RNF13: variants seen among roughly 807,000 people sequenced by gnomAD.
The protein encoded by RNF13 is E3 ubiquitin-protein ligase RNF13.
Under a neutral mutation model 37.7 loss-of-function variants are expected in RNF13, and 19 were observed. The observed-to-expected ratio is 0.50, with a 90% CI of 0.35 to 0.74. The LOEUF is 0.74. Among genes scored for constraint, RNF13 ranks in the 30% least tolerant of loss-of-function variants. RNF13 has a pLI of 0.01. For synonymous variants in RNF13, 144 were observed against 157.8 expected, an observed-to-expected ratio of 0.91 and a Z score of 0.65; for missense variants, 375 against 453.0, an observed-to-expected ratio of 0.83 and a Z score of 1.56.
At chr3:149,958,435 A>C (rs76704975) in intron 8 of RNF13, among the ~76,000 whole-genome samples, 1 of 152,142 alleles carries the variant, frequency 6.6e-6, no homozygotes, top group South Asian at 2.1e-4. Context: ...CCCGACTCTG[A>C]ATTTTCCTGC....
At chr3:149,841,528 G>A (rs1032863572) in intron 1 of RNF13, among the ~76,000 whole-genome samples, 1 of 152,206 alleles carries the variant, frequency 6.6e-6, no homozygotes, top group Non-Finnish European at 1.5e-5. Context: ...TGCCAGCAAG[G>A]TGATTGCTGG....
chr3:149,860,786 G>T (rs1315036741), intron 3 of RNF13, among the ~76,000 whole-genome samples: 2 of 152,136 alleles, frequency 1.3e-5, no homozygotes, highest in Non-Finnish European at 2.9e-5. Context: ...GAACTAAAAA[G>T]CTTTTGCACA....
chr3:149,859,020 G>C (rs894870819), intron 3 of RNF13, among the ~76,000 whole-genome samples: 1 of 152,090 alleles, frequency 6.6e-6, no homozygotes. Context: ...TCCTTTGCCT[G>C]CTTTCTTTGC....
At chr3:149,862,141 T>G (rs145559504) in intron 3 of RNF13, among the ~76,000 whole-genome samples, 1 of 152,176 alleles carries the variant, frequency 6.6e-6, no homozygotes, top group African/African-American at 2.4e-5. Flanking sequence ...ATCTATACAT[T>G]CATATCATCA....
chr3:149,893,486 G>C (rs1559934018), intron 4 of RNF13, among the ~76,000 whole-genome samples: 1 of 152,106 alleles, frequency 6.6e-6, no homozygotes, highest in Non-Finnish European at 1.5e-5. Flanking sequence ...TAGCTTTTAG[G>C]GAAAAGTTAA....
chr3:149,843,584 C>T (rs1722371730), intron 1 of RNF13, among the ~76,000 whole-genome samples: 1 of 152,198 alleles, frequency 6.6e-6, no homozygotes, highest in Non-Finnish European at 1.5e-5. Flanking sequence ...CATACACTGT[C>T]ATATACGAAG....
intron 5 of RNF13, among the ~76,000 whole-genome samples, chr3:149,897,918 G>C (rs1715440785): frequency 6.6e-6 from 1 of 152,154 alleles, no homozygotes; most frequent in Non-Finnish European, 1.5e-5. Flanking sequence ...GAACAGAATG[G>C]ATTAATTCAG....
At chr3:149,827,742 G>C (rs748520892) in intron 1 of RNF13, among the ~76,000 whole-genome samples, 12 of 152,184 alleles carry the variant, frequency 7.9e-5, no homozygotes, top group Non-Finnish European at 1.8e-4. Flanking sequence ...TAGGCAGGCT[G>C]CAAACACTTG....
intron 8 of RNF13, among the ~76,000 whole-genome samples, chr3:149,946,031 C>T (rs1345829877): frequency 6.6e-6 from 1 of 152,320 alleles, no homozygotes; most frequent in Non-Finnish European, 1.5e-5. Context: ...CAAAGGAATG[C>T]AGCTCCTCAC....
chr3:149,820,244 G>T (rs1021392356), intron 1 of RNF13, among the ~76,000 whole-genome samples: 5 of 151,314 alleles, frequency 3.3e-5, no homozygotes, highest in African/African-American at 1.2e-4. Context: ...TAAAGAGACC[G>T]TCTTTTTCTG....
chr3:149,924,387 TAC>T (rs1242510626), intron 8 of RNF13, among the ~76,000 whole-genome samples: 1 of 152,134 alleles, frequency 6.6e-6, no homozygotes, highest in East Asian at 1.9e-4. Context: ...AGAGAGTGCG[TAC>T]AGAGAGAGAG....
chr3:149,815,125 G>A (rs776470923), intron 1 of RNF13, among the ~76,000 whole-genome samples: 2 of 152,086 alleles, frequency 1.3e-5, no homozygotes, highest in Non-Finnish European at 2.9e-5. Context: ...ATTGTTGCTA[G>A]CATTCAGCTT....
chr3:149,905,153 T>C (rs1367359814), intron 6 of RNF13, among the ~76,000 whole-genome samples: 1 of 152,168 alleles, frequency 6.6e-6, no homozygotes, highest in Non-Finnish European at 1.5e-5. Flanking sequence ...TTTTAATGTA[T>C]ATGTATTTTT....
intron 1 of RNF13, among the ~76,000 whole-genome samples, chr3:149,840,489 T>A (rs187350977): frequency 1.4e-3 from 213 of 152,282 alleles, no homozygotes; most frequent in Middle Eastern, 3.4e-3. Flanking sequence ...CAGCAAGATT[T>A]TACTAGATTT....
chr3:149,956,868 C>T (rs1031344540), intron 8 of RNF13, among the ~76,000 whole-genome samples: 22 of 152,076 alleles, frequency 1.4e-4, no homozygotes, highest in African/African-American at 5.1e-4. Flanking sequence ...GGGGGCTGTT[C>T]AGTACATTAT....
At chr3:149,960,251 A>G in intron 9 of RNF13, 115 bp downstream of exon 9, 1 of 698,158 alleles carries the variant, frequency 1.4e-6, no homozygotes, top group Non-Finnish European at 2.5e-6. Flanking sequence ...CAGGCCCTGT[A>G]CTAATTAGTG....
chr3:149,836,522 G>A (rs1576737688), intron 1 of RNF13, among the ~76,000 whole-genome samples: 1 of 151,864 alleles, frequency 6.6e-6, no homozygotes, highest in Admixed American at 6.6e-5. Flanking sequence ...ACATAAAATA[G>A]CAAATGTTGG....
intron 1 of RNF13, among the ~76,000 whole-genome samples, chr3:149,816,223 G>T (rs1193072907): frequency 2.0e-5 from 3 of 152,110 alleles, no homozygotes; most frequent in African/African-American, 7.2e-5. Context: ...TAAGTGGGAA[G>T]TGGGGGAATT....
At chr3:149,879,645 A>T (rs748945204) in intron 4 of RNF13, among the ~76,000 whole-genome samples, 4 of 152,154 alleles carry the variant, frequency 2.6e-5, no homozygotes, top group Non-Finnish European at 5.9e-5. Flanking sequence ...TTCCATCTAC[A>T]GATTATATTA....
Sources: gnomAD v4.1 joint callset for allele counts (sites outside exome capture counted in the v4.1 genomes callset) on GRCh38, gnomAD v4.1.1 for gene constraint, MANE v1.5 for transcripts, NCBI Gene and HGNC (gene_info 2026-07-23, HGNC 2026-07-21) for gene names.